PLXNA4: variants seen among roughly 807,000 people sequenced by gnomAD.
PLXNA4 encodes plexin-A4.
PLXNA4 carries 44 observed loss-of-function variants against 191.8 expected under a neutral mutation model. That is an observed-to-expected ratio of 0.23 (90% CI 0.18 to 0.29). The LOEUF (loss-of-function observed/expected upper bound fraction) is 0.29, where lower values mean the gene tolerates loss of function less well. Ranked by LOEUF, PLXNA4 falls within the 10% of genes least tolerant of loss-of-function variation. PLXNA4 has a pLI of 1.00. For synonymous variants in PLXNA4, 1,082 were observed against 1,009.5 expected, an observed-to-expected ratio of 1.07 and a Z score of -1.36; for missense variants, 1,800 against 2,488.8, an observed-to-expected ratio of 0.72 and a Z score of 5.89.
intron 3 of PLXNA4, among the ~76,000 whole-genome samples, chr7:132,353,798 G>A (rs1315286732): frequency 6.6e-6 from 1 of 152,166 alleles, no homozygotes; most frequent in African/African-American, 2.4e-5. Flanking sequence ...GAGGTGGGGG[G>A]CAAGCAGTAT....
chr7:132,595,010 TAGATAGATAGAC>T (rs1257907520), intron 2 of PLXNA4, among the ~76,000 whole-genome samples: 430 of 20,198 alleles, frequency 0.021, 2 homozygotes, highest in African/African-American at 0.039. Context: ...GATAGATAGA[TAGATAGATAGAC>T]AGACAGACAG....
chr7:132,601,022 C>T (rs557578602), intron 2 of PLXNA4, among the ~76,000 whole-genome samples: 1 of 152,044 alleles, frequency 6.6e-6, no homozygotes, highest in East Asian at 1.9e-4. Flanking sequence ...TTTCTATCTC[C>T]AGAGCTTAGC....
At chr7:132,252,414 C>T (rs983598142) in intron 4 of PLXNA4, among the ~76,000 whole-genome samples, 8 of 141,216 alleles carry the variant, frequency 5.7e-5, no homozygotes, top group South Asian at 2.3e-4. Context: ...TGGGTTCAAG[C>T]GATTCTCCTG....
chr7:132,234,103 C>A (rs369715070), intron 5 of PLXNA4, among the ~76,000 whole-genome samples: 1 of 151,780 alleles, frequency 6.6e-6, no homozygotes, highest in Non-Finnish European at 1.5e-5. Flanking sequence ...AGGGAGGGAA[C>A]GGCAGGAGAA....
chr7:132,593,265 T>C (rs985144735), intron 2 of PLXNA4, among the ~76,000 whole-genome samples: 4 of 152,166 alleles, frequency 2.6e-5, no homozygotes, highest in African/African-American at 9.7e-5. Context: ...TCCAAGCTGG[T>C]TGGGTTAGTC....
At chr7:132,301,081 T>C (rs1277328149) in intron 3 of PLXNA4, among the ~76,000 whole-genome samples, 1 of 152,226 alleles carries the variant, frequency 6.6e-6, no homozygotes, top group East Asian at 1.9e-4. Flanking sequence ...GCAAGGAGGC[T>C]GGATGCAGAT....
intron 4 of PLXNA4, among the ~76,000 whole-genome samples, chr7:132,256,694 C>T (rs1421911634): frequency 6.6e-6 from 1 of 152,218 alleles, no homozygotes; most frequent in African/African-American, 2.4e-5. Context: ...TTCCCAGGAG[C>T]TGGGCATCTG....
Position 132,260,675 on chromosome 7 carries a change from TA to T in PLXNA4, c.1504-19510del, listed in dbSNP as rs1265701695. Among the ~76,000 whole-genome samples, 512 of 141,538 alleles carry T rather than the reference TA, an allele frequency of 3.6e-3. 6 individuals are homozygous for T. In the East Asian group the frequency reaches 0.057, roughly 16 times the overall value. The allele number at this position is 141,538 out of a possible 152,430, so 92.9% of individuals were successfully genotyped here. The stretch of plus-strand genomic sequence containing the variant: ...CATGTGTTGAACCTAAAATAAAAAT[TA>T]AAAAAAAAAAAAGGATCTGTGGTTT... On this transcript the variant is annotated intron_variant, in intron 4 of 31. Coordinates refer to ENST00000321063, the MANE Select transcript of PLXNA4 (RefSeq NM_020911.2).
At chr7:132,326,041 C>G (rs1022765303) in intron 3 of PLXNA4, among the ~76,000 whole-genome samples, 4 of 152,166 alleles carry the variant, frequency 2.6e-5, no homozygotes, top group Non-Finnish European at 4.4e-5. Context: ...CTGTGAAGGT[C>G]TTTCAGATGA....
chr7:132,594,355 T>A (rs946727204), intron 2 of PLXNA4, among the ~76,000 whole-genome samples: 1 of 152,200 alleles, frequency 6.6e-6, no homozygotes, highest in African/African-American at 2.4e-5. Flanking sequence ...CCTCCCCTGG[T>A]GCCTTCAGTG....
At chr7:132,560,107 C>T (rs561024158) in intron 1 of PLXNA4, among the ~76,000 whole-genome samples, 1 of 152,212 alleles carries the variant, frequency 6.6e-6, no homozygotes, top group Non-Finnish European at 1.5e-5. Flanking sequence ...ATTAGACCAA[C>T]AGGACATTAT....
chr7:132,596,941 T>C (rs982552191), intron 2 of PLXNA4, among the ~76,000 whole-genome samples: 1 of 152,044 alleles, frequency 6.6e-6, no homozygotes, highest in Non-Finnish European at 1.5e-5. Context: ...TAAAAGTTTA[T>C]ATTTTATTAC....
chr7:132,489,997 A>T (rs1374718195), intron 2 of PLXNA4, among the ~76,000 whole-genome samples: 1 of 152,200 alleles, frequency 6.6e-6, no homozygotes, highest in Non-Finnish European at 1.5e-5. Flanking sequence ...AGTGTAGACT[A>T]GGGAACTGAA....
At chr7:132,642,612 A>G (rs996410843) in intron 2 of PLXNA4, among the ~76,000 whole-genome samples, 1 of 152,172 alleles carries the variant, frequency 6.6e-6, no homozygotes, top group Admixed American at 6.5e-5. Flanking sequence ...CACAGAGCAG[A>G]GATACAGGCA....
chr7:132,535,098 T>TA (rs1393040352), intron 1 of PLXNA4, among the ~76,000 whole-genome samples: 1 of 152,206 alleles, frequency 6.6e-6, no homozygotes, highest in African/African-American at 2.4e-5. Flanking sequence ...ACACCTAGTA[T>TA]AGATCTTCAT....
At chr7:132,454,509 G>A (rs1377498164) in intron 3 of PLXNA4, among the ~76,000 whole-genome samples, 1 of 152,108 alleles carries the variant, frequency 6.6e-6, no homozygotes, top group Non-Finnish European at 1.5e-5. Flanking sequence ...AGTAGAGTAG[G>A]GCATAGAAAG....
chr7:132,572,926 G>A (rs781508157), intron 1 of PLXNA4, among the ~76,000 whole-genome samples: 3 of 152,160 alleles, frequency 2.0e-5, no homozygotes, highest in African/African-American at 2.4e-5. Flanking sequence ...TTAGTGAGAC[G>A]TCTTTTTAAA....
chr7:132,533,919 A>T (rs1799726238), intron 1 of PLXNA4, among the ~76,000 whole-genome samples: 1 of 149,028 alleles, frequency 6.7e-6, no homozygotes, highest in Non-Finnish European at 1.5e-5. Flanking sequence ...CAGAATAAGG[A>T]TATTACTATT....
intron 3 of PLXNA4, chr7:132,485,158 T>C: frequency 8.2e-7 from 1 of 1,225,944 alleles, no homozygotes; most frequent in East Asian, 2.5e-5. Context: ...GTGCACCCAG[T>C]ACCTATTCAG....
Sources: gnomAD v4.1 joint callset for allele counts (sites outside exome capture counted in the v4.1 genomes callset) on GRCh38, gnomAD v4.1.1 for gene constraint, MANE v1.5 for transcripts, NCBI Gene and HGNC (gene_info 2026-07-23, HGNC 2026-07-21) for gene names.